Variants in NCOA1 observed in about 807,000 individuals in gnomAD.
NCOA1 encodes the protein Hin-2 protein.
A neutral mutation model predicts 150.9 loss-of-function variants in NCOA1; 35 were observed. The observed-to-expected ratio is 0.23, with a 90% CI of 0.18 to 0.31. The LOEUF (loss-of-function observed/expected upper bound fraction) is 0.31. NCOA1 is among the 10% of genes least tolerant of loss of function. NCOA1 has a pLI of 1.00. For missense variants in NCOA1, 1,491 were observed against 1,749.3 expected, an observed-to-expected ratio of 0.85 and a Z score of 2.63; for synonymous variants, 590 against 630.0, an observed-to-expected ratio of 0.94 and a Z score of 0.95.
At chr2:24,514,965 G>T (rs1159888391) in intron 1 of NCOA1, among the ~76,000 whole-genome samples, 1 of 152,150 alleles carries the variant, frequency 6.6e-6, no homozygotes, top group Non-Finnish European at 1.5e-5. Flanking sequence ...AGATGGTACG[G>T]ATTCATTGGA....
In NCOA1 at chr2:24,605,283, A is replaced by T. The variant is rs1396696920; in HGVS notation, c.-175+20723A>T. On this transcript the variant is annotated intron_variant, in intron 3 of 22. Transcript: ENST00000348332. The stretch of plus-strand genomic sequence containing the variant: ...GACTTGCTTGGATCAGGGTTGCCAC[A>T]AACCTTCAATTTGTAAAAAACACAA... Among the ~76,000 whole-genome samples, 4 of 152,364 alleles carry T rather than the reference A, an allele frequency of 2.6e-5. No homozygotes were observed. In the East Asian group the frequency reaches 7.7e-4, roughly 29 times the overall value.
chr2:24,742,010 C>G lies in NCOA1; in HGVS notation c.3530C>G (p.Pro1177Arg). ...FPYPPNYGTNPGTPPASTSPF... is the reference protein window; with the variant it reads ...FPYPPNYGTNRGTPPASTSPF... ...TATCCACCAAACTATGGTACAAATC[C>G]AGGAACCCCACCTGCTTCTACCAGC... Residue 1177 changes from proline to arginine, a missense_variant, in exon 19 of 23, where the codon CCA (proline) becomes CGA (arginine). By Grantham distance (103) the Pro-to-Arg change is moderately radical. This residue lies in a region of NCOA1 where 485 missense variants were observed against 522.8 expected (regional missense o/e 0.93). Coordinates refer to ENST00000348332, the MANE Select transcript of NCOA1 (RefSeq NM_003743.5). The G allele has an allele frequency of 6.2e-7, 1 of 1,614,210 alleles. No homozygotes were observed. The highest frequency in any genetic ancestry group is 8.5e-7 in the Non-Finnish European group (1 of 1,180,024).
intron 1 of NCOA1, among the ~76,000 whole-genome samples, chr2:24,502,491 A>G (rs1179753299): frequency 6.6e-6 from 1 of 152,214 alleles, no homozygotes; most frequent in East Asian, 1.9e-4. Context: ...TTGATTCGGA[A>G]TGATTATCCT....
At chr2:24,740,530 T>C (rs575871040) in intron 18 of NCOA1, among the ~76,000 whole-genome samples, 2 of 152,298 alleles carry the variant, frequency 1.3e-5, no homozygotes, top group African/African-American at 4.8e-5. Context: ...TATTATAATC[T>C]TATGGGACCA....
intron 12 of NCOA1, 31 bp downstream of exon 12, chr2:24,705,264 A>G (rs1467820983): frequency 6.2e-7 from 1 of 1,604,812 alleles, no homozygotes; most frequent in Non-Finnish European, 8.5e-7. Flanking sequence ...TTCATATGAA[A>G]TAAGCCAGTT....
rs1665240672 is a variant in NCOA1, at chr2:24,769,923, C to T, written c.*1532C>T. On this transcript the variant is annotated 3_prime_UTR_variant, in exon 23 of 23. Coordinates refer to ENST00000348332, the MANE Select transcript of NCOA1 (RefSeq NM_003743.5). ...GCACCAGCTACCTCTGCCTCCATGG[C>T]AGAGAAAAGGCCATAAGAACAGTGG... 4.4e-6 allele frequency: 1 copy of T among 227,000 alleles called. No individual in the cohort carries two copies. Among genetic ancestry groups the T allele is most frequent in the Non-Finnish European group, 8.8e-6 (1 of 114,034 alleles). The allele number at this position is 227,000 out of a possible 1,614,324, so 14.1% of individuals were successfully genotyped here. A position where few individuals can be genotyped will look rare whatever the true frequency, so the allele number is the denominator to read the frequency against.
chr2:24,538,728 A>G (rs1665268133), intron 1 of NCOA1, among the ~76,000 whole-genome samples: 1 of 152,104 alleles, frequency 6.6e-6, no homozygotes, highest in Admixed American at 6.6e-5. Context: ...AGTTGCTCTG[A>G]TTTCATTGAT....
At chr2:24,585,904 A>G (rs1251932046) in intron 3 of NCOA1, among the ~76,000 whole-genome samples, 3 of 152,202 alleles carry the variant, frequency 2.0e-5, no homozygotes, top group Admixed American at 2.0e-4. Flanking sequence ...TATTTTTCCA[A>G]ATTAACTTGA....
intron 1 of NCOA1, among the ~76,000 whole-genome samples, chr2:24,514,800 C>A (rs987202354): frequency 5.3e-5 from 8 of 151,858 alleles, no homozygotes; most frequent in African/African-American, 1.9e-4. Flanking sequence ...AAAAAGTAAA[C>A]GTATAAATAG....
chr2:24,662,847 G>T (rs1235734026), intron 5 of NCOA1, among the ~76,000 whole-genome samples: 2 of 151,706 alleles, frequency 1.3e-5, no homozygotes, highest in East Asian at 3.9e-4. Context: ...GAGTGGAGCA[G>T]CACAGTCATA....
In NCOA1 at chr2:24,602,977, A is replaced by G. The variant is rs184121416; in HGVS notation, c.-175+18417A>G. Among the ~76,000 whole-genome samples the G allele has an allele frequency of 2.0e-5, 3 of 152,320 alleles. No individual in the cohort carries two copies. In the East Asian group the frequency reaches 5.8e-4, roughly 29 times the overall value. ...CTGCGTATGTATCTATTCCTAAATT[A>G]TCTATTGATCCACTTATTTTATCAA... On this transcript the variant is annotated intron_variant, in intron 3 of 22. Coordinates refer to ENST00000348332, the MANE Select transcript of NCOA1 (RefSeq NM_003743.5).
rs146186180 is a variant in NCOA1, at chr2:24,662,401, C to G, written c.90-3348C>G. Among the ~76,000 whole-genome samples, 8 of 152,250 alleles carry G rather than the reference C, an allele frequency of 5.3e-5. No homozygotes were observed. The South Asian group carries it at 1.7e-3, about 32-fold the overall frequency. ...ATTCAACTCAAGTACATGTTAAGTG[C>G]GTACTCTTCAGCCAGCACCATTTGC... On this transcript the variant is annotated intron_variant, in intron 5 of 22. Transcript: ENST00000348332.
chr2:24,652,734 G>A (rs1373558241), intron 4 of NCOA1, among the ~76,000 whole-genome samples: 1 of 152,124 alleles, frequency 6.6e-6, no homozygotes, highest in African/African-American at 2.4e-5. Context: ...GATTGCATAA[G>A]ATTGGGTATA....
rs779727507 is a variant in NCOA1, at chr2:24,762,662, T to G, written c.4066-25T>G. On this transcript the variant is annotated intron_variant, in intron 21 of 22. Transcript: ENST00000348332. ...TCAGTTTAAACAACTAGCTTGTAAT[T>G]TGATCTTGTATTTATCTTTAATAGA... 1.9e-6 allele frequency: 3 copies of G among 1,597,062 alleles called. No homozygotes were observed. The East Asian group carries it at 6.7e-5, about 36-fold the overall frequency.
chr2:24,613,850 G>T (rs911245461), intron 3 of NCOA1, among the ~76,000 whole-genome samples: 1 of 152,214 alleles, frequency 6.6e-6, no homozygotes, highest in Non-Finnish European at 1.5e-5. Flanking sequence ...CTGCCTGGGT[G>T]TGAAGCAGAG....
At chr2:24,534,226 T>C (rs1041296801) in intron 1 of NCOA1, among the ~76,000 whole-genome samples, 3 of 152,186 alleles carry the variant, frequency 2.0e-5, no homozygotes, top group African/African-American at 7.2e-5. Context: ...CTAGTTTATT[T>C]GTGTAGAGGT....
intron 1 of NCOA1, among the ~76,000 whole-genome samples, chr2:24,553,524 C>T (rs1167096212): frequency 6.6e-6 from 1 of 152,096 alleles, no homozygotes; most frequent in African/African-American, 2.4e-5. Flanking sequence ...AGCACAAATG[C>T]CGTTTTTTTC....
intron 3 of NCOA1, among the ~76,000 whole-genome samples, chr2:24,629,817 C>CATATATATATATATATATATAT (rs57598398): frequency 6.3e-5 from 5 of 79,348 alleles, no homozygotes; most frequent in African/African-American, 1.8e-4. Context: ...AACATACATA[C>CATATATATATATATATATATAT]ATATATATAT....
intron 3 of NCOA1, among the ~76,000 whole-genome samples, chr2:24,588,709 G>T (rs573387210): frequency 6.6e-6 from 1 of 152,158 alleles, no homozygotes; most frequent in Non-Finnish European, 1.5e-5. Flanking sequence ...CTGACCTCAG[G>T]TCTTTAGTAG....
Sources: gnomAD v4.1 joint callset for allele counts (sites outside exome capture counted in the v4.1 genomes callset) on GRCh38, gnomAD v4.1.1 for gene constraint, gnomAD v4.1.1 regional missense constraint, MANE v1.5 for transcripts, NCBI Gene and HGNC (gene_info 2026-07-23, HGNC 2026-07-21) for gene names.